The following KCNG3 variants were observed in gnomAD, a reference collection of about 807,000 sequenced individuals.
The protein encoded by KCNG3 is potassium voltage-gated channel modifier subfamily G member 3.
In KCNG3, 15 loss-of-function variants were observed where a neutral mutation model predicts 29.0. The observed-to-expected ratio is 0.52, with a 90% CI of 0.35 to 0.80. The LOEUF (loss-of-function observed/expected upper bound fraction) is 0.80, where lower values mean the gene tolerates loss of function less well. Among genes scored for constraint, KCNG3 ranks in the 30% least tolerant of loss-of-function variants. The pLI, the probability that KCNG3 is intolerant of heterozygous loss-of-function variation, is 0.01. For synonymous variants in KCNG3, 322 were observed against 248.9 expected (o/e 1.29, Z -2.76); for missense variants, 512 against 605.7 (o/e 0.85, Z 1.62).
intron 1 of KCNG3, among the ~76,000 whole-genome samples, chr2:42,477,427 A>AT (rs768215543): frequency 0.017 from 1,883 of 108,936 alleles, 73 homozygotes; most frequent in African/African-American, 0.062. Flanking sequence ...ACACACATAT[A>AT]TTTTTTTTTT....
the KCNG3 span, among the ~76,000 whole-genome samples, chr2:42,431,173 T>C: frequency 6.6e-6 from 1 of 152,100 alleles, no homozygotes; most frequent in Non-Finnish European, 1.5e-5. Context: ...TAATTTTCAT[T>C]ACTAGGAGTT....
chr2:42,404,087 C>CGGTCCA, the KCNG3 span, among the ~76,000 whole-genome samples: 1 of 152,144 alleles, frequency 6.6e-6, no homozygotes, highest in African/African-American at 2.4e-5. Flanking sequence ...GCCCATAAAA[C>CGGTCCA]GGTCCAGGCC....
chr2:42,466,583 T>G (rs578061008), intron 1 of KCNG3, among the ~76,000 whole-genome samples: 1 of 152,222 alleles, frequency 6.6e-6, no homozygotes, highest in South Asian at 2.1e-4. Context: ...TAGGTTTGTG[T>G]GAGGACTCTC....
intron 1 of KCNG3, among the ~76,000 whole-genome samples, chr2:42,477,385 ATAT>A (rs1376681026): frequency 2.3e-5 from 1 of 42,624 alleles, no homozygotes; most frequent in African/African-American, 6.1e-5. Context: ...ACACACATAT[ATAT>A]ACACACACAC....
the KCNG3 span, among the ~76,000 whole-genome samples, chr2:42,389,545 A>G: frequency 6.6e-6 from 1 of 152,212 alleles, no homozygotes. Context: ...ATGTGACTTC[A>G]CTTTTTCAAG....
chr2:42,434,954 TTAAC>T, the KCNG3 span, among the ~76,000 whole-genome samples: 3 of 151,880 alleles, frequency 2.0e-5, no homozygotes, highest in African/African-American at 7.3e-5. Context: ...GATGCAAAAA[TTAAC>T]TAAAAATGGA....
chr2:42,409,119 T>C, the KCNG3 span, among the ~76,000 whole-genome samples: 1 of 152,124 alleles, frequency 6.6e-6, no homozygotes, highest in African/African-American at 2.4e-5. Flanking sequence ...TGCCATTCCA[T>C]GTCTGACTTG....
At chr2:42,455,778 ATAAAAAT>A (rs1306612433) in intron 1 of KCNG3, among the ~76,000 whole-genome samples, 1 of 151,908 alleles carries the variant, frequency 6.6e-6, no homozygotes, top group African/African-American at 2.4e-5. Flanking sequence ...CTTAAAAAAA[ATAAAAAT>A]TAAAAATTAA....
chr2:42,446,572 A>G (rs1161977677), intron 1 of KCNG3, among the ~76,000 whole-genome samples: 1 of 152,186 alleles, frequency 6.6e-6, no homozygotes, highest in African/African-American at 2.4e-5. Flanking sequence ...ACTTAAACCC[A>G]AACATCAGAA....
At chr2:42,426,410 C>G in the KCNG3 span, among the ~76,000 whole-genome samples, 1 of 152,180 alleles carries the variant, frequency 6.6e-6, no homozygotes, top group African/African-American at 2.4e-5. Context: ...TCCACATTAT[C>G]TTCCCCATTG....
chr2:42,446,912 G>A (rs928718144), intron 1 of KCNG3, among the ~76,000 whole-genome samples: 1 of 151,882 alleles, frequency 6.6e-6, no homozygotes, highest in African/African-American at 2.4e-5. Flanking sequence ...AGGCCAAGGT[G>A]GGAGTATAGC....
chr2:42,467,021 G>A (rs1482886144), intron 1 of KCNG3, among the ~76,000 whole-genome samples: 1 of 151,922 alleles, frequency 6.6e-6, no homozygotes, highest in Admixed American at 6.6e-5. Flanking sequence ...CCAAAGTGCT[G>A]GGATTATAGG....
chr2:42,479,749 G>C (rs994682640), intron 1 of KCNG3, among the ~76,000 whole-genome samples: 1 of 150,646 alleles, frequency 6.6e-6, no homozygotes, highest in Non-Finnish European at 1.5e-5. Flanking sequence ...GGTGACTCAC[G>C]CCTGTAATCC....
rs1558372799 is a variant in KCNG3 at position 42,444,594 on chromosome 2, AAAG to A, written c.666-18_666-16del. ...CTTCAATTATCCTGTCAAGAGAACA[AAAG>A]AAGAATTGATCATTTTATTTTTAAG... On this transcript the variant is annotated splice_polypyrimidine_tract_variant and intron_variant, in intron 1 of 1. Transcript: ENST00000306078. The surrounding 1 kb of genome is among the most constrained non-coding windows in gnomAD (Gnocchi z 5.8). 6 of 1,583,328 alleles carry A rather than the reference AAAG, an allele frequency of 3.8e-6. No individual in the cohort carries two copies. The highest frequency in any genetic ancestry group is 1.8e-5 in the Admixed American group (1 of 54,386).
intron 1 of KCNG3, among the ~76,000 whole-genome samples, chr2:42,468,082 A>G (rs1673189215): frequency 6.6e-6 from 1 of 152,194 alleles, no homozygotes; most frequent in Non-Finnish European, 1.5e-5. Context: ...AAAATTCTAC[A>G]TAAATTAGCA....
the KCNG3 span, among the ~76,000 whole-genome samples, chr2:42,398,798 T>C: frequency 1.3e-5 from 2 of 152,096 alleles, no homozygotes; most frequent in East Asian, 3.9e-4. Context: ...TTGCTTACAG[T>C]AGGGTCCCAG....
intron 1 of KCNG3, among the ~76,000 whole-genome samples, chr2:42,480,612 G>A (rs921849706): frequency 8.5e-5 from 13 of 152,056 alleles, no homozygotes; most frequent in African/African-American, 2.9e-4. Context: ...GTCATGTAGT[G>A]TTCACGAGTC....
At position 42,473,255 on chromosome 2, in the gene KCNG3, T is replaced by C. The variant is rs116814412; in HGVS notation, c.665+19582A>G. Reference sequence around the variant, plus strand: ...TGGGTAGTGGGTAAACAGGTATTAATTGTGTTATCATCTATTGTTTTTTAT... The same window carrying C: ...TGGGTAGTGGGTAAACAGGTATTAACTGTGTTATCATCTATTGTTTTTTAT... On this transcript the variant is annotated intron_variant, in intron 1 of 1. Coordinates refer to ENST00000306078, the MANE Select transcript of KCNG3 (RefSeq NM_133329.6). Among the ~76,000 whole-genome samples the C allele has an allele frequency of 5.2e-3, 787 of 152,234 alleles. 9 individuals are homozygous for C. The highest frequency in any genetic ancestry group is 0.018 in the African/African-American group (752 of 41,522).
intron 1 of KCNG3, among the ~76,000 whole-genome samples, chr2:42,488,495 C>T (rs891104706): frequency 1.3e-5 from 2 of 151,920 alleles, no homozygotes; most frequent in Non-Finnish European, 2.9e-5. Flanking sequence ...CCACCTCAGC[C>T]TCTGGAGTAG....
Sources: allele counts gnomAD v4.1 joint callset (sites outside exome capture counted in the v4.1 genomes callset), GRCh38; gene constraint gnomAD v4.1.1; non-coding constraint Gnocchi (gnomAD v3.1); transcripts MANE v1.5; gene names NCBI Gene and HGNC (gene_info 2026-07-23, HGNC 2026-07-21).